The following ELAVL2 variants were observed in gnomAD, a reference collection of about 807,000 sequenced individuals.
ELAVL2 encodes ELAV like RNA binding protein 2.
ELAVL2 carries 4 observed loss-of-function variants against 34.6 expected under a neutral mutation model. The ratio of observed to expected loss-of-function variants is 0.12; its 90% confidence interval spans 0.06 to 0.26. ELAVL2 has a LOEUF of 0.26. Ranked by LOEUF, ELAVL2 falls within the 10% of genes least tolerant of loss-of-function variation. ELAVL2 has a pLI of 1.00. For missense variants in ELAVL2, 432 were observed against 442.8 expected (o/e 0.98, Z 0.22); for synonymous variants, 193 against 154.8 (o/e 1.25, Z -1.83).
chr9:23,776,132 G>A (rs1462061223), intron 1 of ELAVL2, among the ~76,000 whole-genome samples: 8 of 152,150 alleles, frequency 5.3e-5, no homozygotes, highest in Non-Finnish European at 1.2e-4. Context: ...AGCAGCCAAA[G>A]TCATCTCAGG....
At chr9:23,822,654 C>T (rs1168307312) in intron 1 of ELAVL2, among the ~76,000 whole-genome samples, 1 of 152,206 alleles carries the variant, frequency 6.6e-6, no homozygotes, top group Non-Finnish European at 1.5e-5. Flanking sequence ...TACACCTGCT[C>T]GGCCGCTTAA....
chr9:23,746,075 A>T (rs989102303), intron 2 of ELAVL2, among the ~76,000 whole-genome samples: 1 of 152,176 alleles, frequency 6.6e-6, no homozygotes, highest in Non-Finnish European at 1.5e-5. Context: ...TTTCAAAATT[A>T]AATTCAAACT....
chr9:23,787,431 C>T (rs2059827637), intron 1 of ELAVL2, among the ~76,000 whole-genome samples: 1 of 151,828 alleles, frequency 6.6e-6, no homozygotes. Context: ...GGGTTTCCAC[C>T]ATGTTGGCCA....
chr9:23,802,889 T>G (rs1306731197), intron 1 of ELAVL2, among the ~76,000 whole-genome samples: 5 of 152,156 alleles, frequency 3.3e-5, no homozygotes, highest in Non-Finnish European at 7.4e-5. Flanking sequence ...TAATATGTAA[T>G]GGGTTTGCTA....
chr9:23,796,544 T>C (rs1009174230), intron 1 of ELAVL2, among the ~76,000 whole-genome samples: 42 of 152,322 alleles, frequency 2.8e-4, no homozygotes, highest in Admixed American at 2.2e-3. Context: ...ACCCACAAAA[T>C]TGCCAGATTA....
intron 2 of ELAVL2, among the ~76,000 whole-genome samples, chr9:23,735,080 C>T (rs2047488606): frequency 3.4e-5 from 2 of 59,452 alleles, no homozygotes; most frequent in Non-Finnish European, 6.6e-5. Flanking sequence ...ACTATTCTGA[C>T]CAAAATGACA....
At chr9:23,840,983 A>G in the ELAVL2 span, among the ~76,000 whole-genome samples, 1 of 152,184 alleles carries the variant, frequency 6.6e-6, no homozygotes, top group Non-Finnish European at 1.5e-5. Context: ...GTTACTCACC[A>G]TGATTGTCTA....
intron 2 of ELAVL2, among the ~76,000 whole-genome samples, chr9:23,746,672 G>A (rs1215173199): frequency 6.6e-6 from 1 of 151,880 alleles, no homozygotes; most frequent in Non-Finnish European, 1.5e-5. Context: ...CCACCCAACT[G>A]GCTTCTGGAA....
chr9:23,710,903 CAGA>C (rs2040759117), intron 3 of ELAVL2, among the ~76,000 whole-genome samples: 2 of 152,066 alleles, frequency 1.3e-5, no homozygotes, highest in Admixed American at 1.3e-4. Context: ...GTATAGTACA[CAGA>C]AGAAGGGGGA....
intron 5 of ELAVL2, among the ~76,000 whole-genome samples, chr9:23,700,088 A>C (rs2036661951): frequency 6.6e-6 from 1 of 152,154 alleles, no homozygotes; most frequent in South Asian, 2.1e-4. Context: ...AATGAAAAAA[A>C]TAAATGCATA....
chr9:23,741,188 T>C (rs914992417), intron 2 of ELAVL2, among the ~76,000 whole-genome samples: 1 of 151,948 alleles, frequency 6.6e-6, no homozygotes, highest in Non-Finnish European at 1.5e-5. Flanking sequence ...AATAGGAACA[T>C]GGAGAAGAAC....
intron 2 of ELAVL2, among the ~76,000 whole-genome samples, chr9:23,739,730 G>T (rs1326338742): frequency 6.6e-6 from 1 of 152,014 alleles, no homozygotes; most frequent in Non-Finnish European, 1.5e-5. Flanking sequence ...ATCTGCTGTT[G>T]CTTGTGCGAC....
intron 1 of ELAVL2, among the ~76,000 whole-genome samples, chr9:23,817,562 T>C (rs1564586578): frequency 6.6e-6 from 1 of 152,284 alleles, no homozygotes; most frequent in East Asian, 1.9e-4. Flanking sequence ...AAACTTAACA[T>C]TGATATTAAA....
the ELAVL2 span, among the ~76,000 whole-genome samples, chr9:23,839,948 G>C: frequency 6.6e-6 from 1 of 152,132 alleles, no homozygotes; most frequent in Admixed American, 6.5e-5. Context: ...CAAAATTGAA[G>C]CTTCTAGGTT....
intron 3 of ELAVL2, among the ~76,000 whole-genome samples, chr9:23,716,187 G>T: frequency 8.3e-6 from 1 of 120,344 alleles, no homozygotes; most frequent in African/African-American, 3.1e-5. Flanking sequence ...AGGGGGGAGG[G>T]ATAGCATTAG....
chr9:23,835,604 CAA>C, the ELAVL2 span, among the ~76,000 whole-genome samples: 1 of 151,960 alleles, frequency 6.6e-6, no homozygotes, highest in Non-Finnish European at 1.5e-5. Flanking sequence ...TTGAATAAAA[CAA>C]AATGTATAAC....
intron 2 of ELAVL2, among the ~76,000 whole-genome samples, chr9:23,761,158 T>C (rs1279391063): frequency 6.6e-6 from 1 of 152,090 alleles, no homozygotes; most frequent in Non-Finnish European, 1.5e-5. Flanking sequence ...GGTTATAAGC[T>C]TTGTAAAGCA....
intron 3 of ELAVL2, among the ~76,000 whole-genome samples, chr9:23,714,187 C>T (rs1258081453): frequency 3.3e-5 from 5 of 152,126 alleles, no homozygotes; most frequent in African/African-American, 1.2e-4. Context: ...AATTGCTCCT[C>T]CCAATAAGTT....
In ELAVL2 at chr9:23,701,457, T is replaced by G; in HGVS notation, c.635A>C (p.Gln212Pro). 6.2e-7 allele frequency: 1 copy of G among 1,614,114 alleles called. No individual in the cohort carries two copies. Among genetic ancestry groups the G allele is most frequent in the Non-Finnish European group, 8.5e-7 (1 of 1,180,002 alleles). Residue 212 changes from glutamine (Q) to proline (P), a missense_variant, in exon 5 of 7, where the codon CAG becomes CCG. Gln to Pro is a moderately conservative substitution (Grantham distance 76, BLOSUM62 -1). Coordinates refer to ENST00000397312, the MANE Select transcript of ELAVL2 (RefSeq NM_004432.5). Reference sequence around the variant, plus strand: ...CTGGTACAGCTGGGAAAGGATGGCCTGATTGGTTTTTTGGCTTGGGTTATT... The same window carrying G: ...CTGGTACAGCTGGGAAAGGATGGCCGGATTGGTTTTTTGGCTTGGGTTATT... ...FANNPSQKTN[Q>P]AILSQLYQSP...
Sources: allele counts gnomAD v4.1 joint callset (sites outside exome capture counted in the v4.1 genomes callset), GRCh38; gene constraint gnomAD v4.1.1; transcripts MANE v1.5; gene names NCBI Gene and HGNC (gene_info 2026-07-23, HGNC 2026-07-21).